Variants in ARFGAP3 observed in about 807,000 individuals in gnomAD.
ARFGAP3 encodes ARF GTPase activating protein 3.
In ARFGAP3, 72 loss-of-function variants were observed where a neutral mutation model predicts 75.0. The ratio of observed to expected loss-of-function variants is 0.96; its 90% confidence interval spans 0.79 to 1.17. The LOEUF is 1.17. ARFGAP3 is among the 50% of genes most tolerant of loss of function. The pLI, the probability that ARFGAP3 is intolerant of heterozygous loss-of-function variation, is 0.00. For missense variants in ARFGAP3, 620 were observed against 626.6 expected (o/e 0.99, Z 0.11); for synonymous variants, 221 against 217.9 (o/e 1.01, Z -0.13).
At chr22:42,828,417 G>A (rs1926138320) in intron 6 of ARFGAP3, among the ~76,000 whole-genome samples, 1 of 152,086 alleles carries the variant, frequency 6.6e-6, no homozygotes. Flanking sequence ...TTAGCCAGGA[G>A]TGGTGGCACA....
intron 3 of ARFGAP3, among the ~76,000 whole-genome samples, chr22:42,838,125 T>C (rs1217332630): frequency 2.4e-4 from 36 of 151,834 alleles, no homozygotes; most frequent in African/African-American, 2.2e-4. Context: ...TAGGGAAACA[T>C]TGGATCCAAT....
intron 9 of ARFGAP3, among the ~76,000 whole-genome samples, chr22:42,821,785 C>T (rs1328979376): frequency 6.6e-6 from 1 of 152,174 alleles, no homozygotes; most frequent in Non-Finnish European, 1.5e-5. Flanking sequence ...GGAAACTTTA[C>T]ATTTAACTTT....
intron 7 of ARFGAP3, among the ~76,000 whole-genome samples, chr22:42,826,290 A>G (rs1250306526): frequency 6.7e-6 from 1 of 150,374 alleles, no homozygotes; most frequent in Non-Finnish European, 1.5e-5. Flanking sequence ...AGATGTTCTG[A>G]CCACTGCTTA....
Position 42,847,633 on chromosome 22 carries a change from C to T in ARFGAP3, c.70-1G>A, listed in dbSNP as rs750343552. Reference sequence around the variant, plus strand: ...TTTTGGCACCACAATCAAAACACACCTGAAAAAAAATGTTAAATTCAGTTA... The same window carrying T: ...TTTTGGCACCACAATCAAAACACACTTGAAAAAAAATGTTAAATTCAGTTA... On this transcript the variant is annotated splice_acceptor_variant, in intron 1 of 15. Transcript: ENST00000263245. LOFTEE classifies it high-confidence loss of function. 1.9e-6 allele frequency: 3 copies of T among 1,606,548 alleles called. No homozygotes were observed. The highest frequency in any genetic ancestry group is 2.5e-6 in the Non-Finnish European group (3 of 1,177,196).
chr22:42,850,139 C>T (rs1306149672), intron 1 of ARFGAP3, among the ~76,000 whole-genome samples: 1 of 152,042 alleles, frequency 6.6e-6, no homozygotes. Flanking sequence ...CAGAGTCACG[C>T]GTCGGAAGTG....
chr22:42,798,384 C>T (rs898706945), intron 15 of ARFGAP3, among the ~76,000 whole-genome samples: 2 of 152,214 alleles, frequency 1.3e-5, no homozygotes, highest in African/African-American at 4.8e-5. Context: ...CTTCCTTTAG[C>T]AGCGTTTTAC....
At chr22:42,806,584 CTG>C (rs1925133658) in intron 14 of ARFGAP3, among the ~76,000 whole-genome samples, 1 of 152,264 alleles carries the variant, frequency 6.6e-6, no homozygotes, top group South Asian at 2.1e-4. Context: ...CTGGGGCCTG[CTG>C]TGTGCCAGAC....
At chr22:42,799,304 ACT>A in intron 14 of ARFGAP3, 144 bp from the exon 15 acceptor site, 3 of 1,438,570 alleles carry the variant, frequency 2.1e-6, no homozygotes, top group Non-Finnish European at 1.8e-6. Flanking sequence ...TGGGATGGAG[ACT>A]CGGGCTGAAG....
intron 2 of ARFGAP3, among the ~76,000 whole-genome samples, chr22:42,845,286 A>T (rs1926962935): frequency 6.7e-6 from 1 of 149,262 alleles, no homozygotes; most frequent in Admixed American, 6.8e-5. Flanking sequence ...GCACTTTGGG[A>T]GGCCGAGGCG....
At chr22:42,801,821 T>C (rs972979131) in intron 14 of ARFGAP3, among the ~76,000 whole-genome samples, 1 of 152,134 alleles carries the variant, frequency 6.6e-6, no homozygotes, top group Non-Finnish European at 1.5e-5. Context: ...TCGCATGGTC[T>C]TGCCCTCAGT....
chr22:42,832,555 A>G (rs1005533741), intron 5 of ARFGAP3, among the ~76,000 whole-genome samples: 2 of 152,074 alleles, frequency 1.3e-5, no homozygotes, highest in Admixed American at 1.3e-4. Context: ...AAACGAAAGA[A>G]AAAAAGAAAA....
intron 3 of ARFGAP3, among the ~76,000 whole-genome samples, chr22:42,839,860 T>C (rs1212086680): frequency 6.6e-6 from 1 of 152,180 alleles, no homozygotes; most frequent in Admixed American, 6.6e-5. Flanking sequence ...GGATCTTGAT[T>C]ATTTTTATTT....
At chr22:42,810,780 C>T (rs1925333258) in intron 12 of ARFGAP3, 33 bp downstream of exon 12, 2 of 1,579,090 alleles carry the variant, frequency 1.3e-6, no homozygotes, top group Admixed American at 1.7e-5. Context: ...TGCATGGATT[C>T]ACTACTACAA....
intron 6 of ARFGAP3, 22 bp downstream of exon 6, chr22:42,831,527 A>G (rs1431643242): frequency 1.9e-6 from 3 of 1,608,076 alleles, no homozygotes; most frequent in East Asian, 4.5e-5. Flanking sequence ...ATAGTATTAC[A>G]TGACAGTTCT....
chr22:42,829,545 G>A (rs1214327260), intron 6 of ARFGAP3, among the ~76,000 whole-genome samples: 6 of 119,678 alleles, frequency 5.0e-5, no homozygotes, highest in Admixed American at 4.1e-4. Flanking sequence ...AAAAAAGAAT[G>A]TGGAAAAAAA....
At chr22:42,831,396 T>G (rs1173513636) in intron 6 of ARFGAP3, among the ~76,000 whole-genome samples, 153 bp downstream of exon 6, 1 of 151,324 alleles carries the variant, frequency 6.6e-6, no homozygotes, top group African/African-American at 2.4e-5. Context: ...GGTCTCTGAC[T>G]GCTGGGCTCA....
At position 42,807,129 on chromosome 22, in the gene ARFGAP3, G is replaced by C; in HGVS notation, c.1355C>G (p.Ala452Gly). 1 of 1,612,962 alleles carries C rather than the reference G, an allele frequency of 6.2e-7. No homozygotes were observed. The highest frequency in any genetic ancestry group is 8.5e-7 in the Non-Finnish European group (1 of 1,179,562). Reference sequence around the variant, plus strand: ...ATCAGCCGAGCTTATGGAGGAACTTGCCGACAGCCTCTCTAGGCGGGCCCT... The same window carrying C: ...ATCAGCCGAGCTTATGGAGGAACTTCCCGACAGCCTCTCTAGGCGGGCCCT... ...ETRARLERLSASSSISSADLF... is the reference protein window; with the variant it reads ...ETRARLERLSGSSSISSADLF... The change falls in exon 14 of 16, where the codon GCA becomes GGA. Residue 452 changes from alanine (A) to glycine (G), a missense_variant. Ala to Gly is a moderately conservative substitution (Grantham distance 60). Transcript: ENST00000263245.
At chr22:42,830,144 G>A (rs1001173078) in intron 6 of ARFGAP3, among the ~76,000 whole-genome samples, 3 of 151,888 alleles carry the variant, frequency 2.0e-5, no homozygotes, top group East Asian at 1.9e-4. Context: ...TTTAGAGTCC[G>A]GGTCTCTGTC....
intron 8 of ARFGAP3, among the ~76,000 whole-genome samples, chr22:42,823,215 G>C (rs932449745): frequency 4.6e-5 from 7 of 152,054 alleles, no homozygotes; most frequent in African/African-American, 1.7e-4. Context: ...GCTCATATAA[G>C]TTAAGGAATG....
Sources: gnomAD v4.1 joint callset for allele counts (sites outside exome capture counted in the v4.1 genomes callset) on GRCh38, gnomAD v4.1.1 for gene constraint, MANE v1.5 for transcripts, NCBI Gene and HGNC (gene_info 2026-07-23, HGNC 2026-07-21) for gene names.